NMT1: variants seen among roughly 807,000 people sequenced by gnomAD.
NMT1 encodes N-myristoyltransferase 1, also known as glycylpeptide N-tetradecanoyltransferase 1.
A neutral mutation model predicts 63.4 loss-of-function variants in NMT1; 12 were observed. The ratio of observed to expected loss-of-function variants is 0.19; its 90% CI spans 0.12 to 0.31. The LOEUF (loss-of-function observed/expected upper bound fraction) is 0.31. Among genes scored for constraint, NMT1 ranks in the 10% least tolerant of loss-of-function variants. The pLI is 1.00. For synonymous variants in NMT1, 228 were observed against 234.3 expected, an observed-to-expected ratio of 0.97 and a Z score of 0.25; for missense variants, 432 against 634.6, an observed-to-expected ratio of 0.68 and a Z score of 3.43.
chr17:45,078,933 G>A (rs2053994871), intron 1 of NMT1, among the ~76,000 whole-genome samples: 1 of 152,018 alleles, frequency 6.6e-6, no homozygotes, highest in Admixed American at 6.6e-5. Context: ...AAAGTGTTGG[G>A]ATTACAGGCA....
intron 1 of NMT1, among the ~76,000 whole-genome samples, chr17:45,062,762 C>T (rs2053874226): frequency 6.6e-6 from 1 of 152,160 alleles, no homozygotes; most frequent in Non-Finnish European, 1.5e-5. Context: ...TAAGTACACC[C>T]TATAATGTTG....
Position 45,093,801 on chromosome 17 carries a change from G to A in NMT1, c.502G>A (p.Val168Met), listed in dbSNP as rs773364852. 15 of 1,613,206 alleles carry A rather than the reference G, an allele frequency of 9.3e-6. No homozygotes were observed. The highest frequency in any genetic ancestry group is 6.7e-5 in the African/African-American group (5 of 74,930). ...WDALDLGDRG[V>M]LKELYTLLNE... ...TGCTTTGGACCTGGGCGATCGTGGT[G>A]TGGTGAGTGGGCCCTCAGAAGGTTA... Residue 168 changes from valine to methionine, a missense_variant and splice_region_variant, in exon 4 of 12, where the codon GTG becomes ATG. Coordinates refer to ENST00000258960, the MANE Select transcript of NMT1 (RefSeq NM_021079.5).
intron 2 of NMT1, among the ~76,000 whole-genome samples, chr17:45,084,244 AAAT>A (rs1160290468): frequency 6.6e-6 from 1 of 152,222 alleles, no homozygotes; most frequent in Non-Finnish European, 1.5e-5. Flanking sequence ...TGTAATCAGT[AAAT>A]AATAAGATGG....
chr17:45,104,468 T>C lies in NMT1; in HGVS notation c.1333-391T>C. ...GAGGGCCTGAGAGTTGGGGCATCCA[T>C]GGAGTAAGGAAGCAACACAAACCCC... On this transcript the variant is annotated intron_variant, in intron 10 of 11. Transcript: ENST00000258960. This position sits in a 1 kb window ranked among gnomAD's most constrained non-coding sequence, Gnocchi z 4.2. The C allele has an allele frequency of 9.1e-7, 1 of 1,093,374 alleles. No homozygotes were observed. Among genetic ancestry groups the C allele is most frequent in the Non-Finnish European group, 1.1e-6 (1 of 895,736 alleles). The allele number at this position is 1,093,374 out of a possible 1,614,324, so 67.7% of individuals were successfully genotyped here.
chr17:45,076,358 TG>T (rs1481245789), intron 1 of NMT1, among the ~76,000 whole-genome samples: 1 of 151,768 alleles, frequency 6.6e-6, no homozygotes, highest in East Asian at 1.9e-4. Context: ...GTCTTCTGTT[TG>T]GGGGTGTTGA....
Position 45,061,479 on chromosome 17 carries a change from T to C in NMT1, c.131+19T>C. 6.2e-7 allele frequency: 1 copy of C among 1,608,094 alleles called. No homozygotes were observed. The highest frequency in any genetic ancestry group is 8.5e-7 in the Non-Finnish European group (1 of 1,177,146). On this transcript the variant is annotated intron_variant, in intron 1 of 11. Coordinates refer to ENST00000258960, the MANE Select transcript of NMT1 (RefSeq NM_021079.5). ...ACCGGGGGTAACGAAATCCTCGGAG[T>C]CCAATTCCCGTCCAGCCTCCCACAA...
rs16939861 is a variant in NMT1 at position 45,106,784 on chromosome 17, G to C, written c.*1145G>C. The stretch of plus-strand genomic sequence containing the variant: ...TGGTAGCAAGAAGTGATTAGAGGCA[G>C]ATCTGGACTTGGCAACAGAAGTGGT... On this transcript the variant is annotated 3_prime_UTR_variant, in exon 12 of 12. Transcript: ENST00000258960. The C allele has an allele frequency of 6.5e-6, 1 of 152,680 alleles. No individual in the cohort carries two copies. Among genetic ancestry groups the C allele is most frequent in the South Asian group, 2.1e-4 (1 of 4,840 alleles). 9.5% of individuals were successfully genotyped at this position (152,680 alleles called of 1,614,324 possible).
rs2143525362 is a variant in NMT1, at chr17:45,104,240, A to G, written c.1332+364A>G. On this transcript the variant is annotated intron_variant, in intron 10 of 11. Transcript: ENST00000258960. The surrounding 1 kb of genome is among the most constrained non-coding windows in gnomAD (Gnocchi z 4.2). ...GTCTGTCGTGGTGAGTCATTGGAGC[A>G]TCCAACTGCCAGTAGCGGATGGCGA... 3 of 1,207,606 alleles carry G rather than the reference A, an allele frequency of 2.5e-6. No individual in the cohort carries two copies. The highest frequency in any genetic ancestry group is 3.1e-6 in the Non-Finnish European group (3 of 956,792). The allele number at this position is 1,207,606 out of a possible 1,614,324, so 74.8% of individuals were successfully genotyped here.
intron 1 of NMT1, among the ~76,000 whole-genome samples, chr17:45,079,354 G>A (rs1350713851): frequency 2.0e-5 from 3 of 152,058 alleles, no homozygotes; most frequent in South Asian, 4.1e-4. Context: ...TGTCTGCCGC[G>A]GCTTCCCAAA....
chr17:45,105,023 G>T lies in NMT1; in HGVS notation c.1470+27G>T. 2 of 1,613,664 alleles carry T rather than the reference G, an allele frequency of 1.2e-6. No homozygotes were observed. The highest frequency in any genetic ancestry group is 2.2e-5 in the South Asian group (2 of 91,070). On this transcript the variant is annotated intron_variant, in intron 11 of 11. Transcript: ENST00000258960. This position sits in a 1 kb window ranked among gnomAD's most constrained non-coding sequence, Gnocchi z 4.2. The stretch of plus-strand genomic sequence containing the variant: ...TAGGCGACACATAGCCAGAGTCCAG[G>T]CTGCCCGGCCCAGGGTGTCCATGTC...
intron 3 of NMT1, among the ~76,000 whole-genome samples, chr17:45,091,915 A>G (rs777149108): frequency 9.2e-5 from 14 of 152,162 alleles, no homozygotes; most frequent in Non-Finnish European, 1.6e-4. Flanking sequence ...CAACCACTCG[A>G]GAGGCTGAGA....
chr17:45,084,995 C>A (rs1225312761), intron 2 of NMT1, among the ~76,000 whole-genome samples: 28 of 151,980 alleles, frequency 1.8e-4, no homozygotes, highest in Admixed American at 1.8e-3. Context: ...GGCCTGTAAT[C>A]CCAGCATTTT....
Position 45,061,481 on chromosome 17 carries a change from C to T in NMT1, c.131+21C>T. On this transcript the variant is annotated intron_variant, in intron 1 of 11. Coordinates refer to ENST00000258960, the MANE Select transcript of NMT1 (RefSeq NM_021079.5). Reference sequence around the variant, plus strand: ...CGGGGGTAACGAAATCCTCGGAGTCCAATTCCCGTCCAGCCTCCCACAACC... The same window carrying T: ...CGGGGGTAACGAAATCCTCGGAGTCTAATTCCCGTCCAGCCTCCCACAACC... The T allele has an allele frequency of 1.9e-6, 3 of 1,606,998 alleles. No homozygotes were observed. In the South Asian group the frequency reaches 3.3e-5, roughly 18 times the overall value.
At position 45,108,830 on chromosome 17, in the gene NMT1, C is replaced by A. The variant is rs11548430; in HGVS notation, c.*3191C>A. 2 of 152,386 alleles carry A rather than the reference C, an allele frequency of 1.3e-5. No homozygotes were observed. The highest frequency in any genetic ancestry group is 1.3e-4 in the Admixed American group (2 of 15,276). 9.4% of individuals were successfully genotyped at this position (152,386 alleles called of 1,614,324 possible). On this transcript the variant is annotated 3_prime_UTR_variant, in exon 12 of 12. Coordinates refer to ENST00000258960, the MANE Select transcript of NMT1 (RefSeq NM_021079.5). ...TTTCATTCCATTAAATTAAAAAATA[C>A]TGACTGGCTGGCAGGCAGGTGCCAT...
intron 1 of NMT1, among the ~76,000 whole-genome samples, chr17:45,074,846 T>C (rs1408215539): frequency 6.6e-6 from 1 of 152,186 alleles, no homozygotes; most frequent in African/African-American, 2.4e-5. Flanking sequence ...CTGTGAGAGA[T>C]TTCTATTTCA....
chr17:45,077,075 A>G (rs185522676), intron 1 of NMT1, among the ~76,000 whole-genome samples: 9 of 152,300 alleles, frequency 5.9e-5, no homozygotes, highest in Admixed American at 3.3e-4. Context: ...GTGATTTTGC[A>G]TATTTGTAAA....
At chr17:45,061,487 C>A in intron 1 of NMT1, 27 bp downstream of exon 1, 1 of 1,604,502 alleles carries the variant, frequency 6.2e-7, no homozygotes, top group Non-Finnish European at 8.5e-7. Flanking sequence ...AGTCCAATTC[C>A]CGTCCAGCCT....
Position 45,093,793 on chromosome 17 carries a change from ATCGT to A in NMT1, c.495_498del (p.Asp165GlufsTer4). The A allele has an allele frequency of 6.2e-7, 1 of 1,614,052 alleles. No homozygotes were observed. The highest frequency in any genetic ancestry group is 8.5e-7 in the Non-Finnish European group (1 of 1,179,894). ...ACCTGGGATGCTTTGGACCTGGGCG[ATCGT>A]GGTGTGGTGAGTGGGCCCTCAGAAG... On this transcript the variant is annotated frameshift_variant, in exon 4 of 12. Transcript: ENST00000258960. LOFTEE classifies it high-confidence loss of function.
rs549671556 is a variant in NMT1 at position 45,092,049 on chromosome 17, G to GA, written c.386-1631dup. On this transcript the variant is annotated intron_variant, in intron 3 of 11. Coordinates refer to ENST00000258960, the MANE Select transcript of NMT1 (RefSeq NM_021079.5). ...AGTCATGAGTTTCCTAACTAGGGAA[G>GA]AAAAATATGACCTCTCTCCCAAGCA... is the stretch of plus-strand genomic sequence containing the variant. Among the ~76,000 whole-genome samples the GA allele has an allele frequency of 1.6e-3, 247 of 152,218 alleles. 4 individuals are homozygous for GA. The highest frequency in any genetic ancestry group is 5.8e-3 in the African/African-American group (241 of 41,542).
Sources: allele counts gnomAD v4.1 joint callset (sites outside exome capture counted in the v4.1 genomes callset), GRCh38; gene constraint gnomAD v4.1.1; non-coding constraint Gnocchi (gnomAD v3.1); transcripts MANE v1.5; gene names NCBI Gene and HGNC (gene_info 2026-07-23, HGNC 2026-07-21).